The following TRIM17 variants were observed in gnomAD, a reference collection of about 807,000 sequenced individuals.
The protein encoded by TRIM17 is tripartite motif containing 17.
A neutral mutation model predicts 35.8 loss-of-function variants in TRIM17; 27 were observed. That is an observed-to-expected ratio of 0.75 (90% CI 0.56 to 1.04). The LOEUF is 1.04. Ranked by LOEUF, TRIM17 falls within the 50% of genes least tolerant of loss-of-function variation. The pLI is 0.00. For missense variants in TRIM17, 582 were observed against 612.8 expected (o/e 0.95, Z 0.53); for synonymous variants, 246 against 252.6 (o/e 0.97, Z 0.25).
Position 228,414,676 on chromosome 1 carries a change from G to A in TRIM17, c.397C>T (p.Leu133=). ...CCCTGCACTGCCTCCTCGGCGGGCA[G>A]CACCCTGTGCAGCCGGTGCTCCCGG... The part of the protein sequence containing the change: ...ESREHRLHRV[L]PAEEAVQGYK... The change falls in exon 2 of 7, where the codon CTG becomes TTG. Residue 133 remains leucine (L), a synonymous_variant. Transcript: ENST00000366698. 1.2e-6 allele frequency: 2 copies of A among 1,611,674 alleles called. No homozygotes were observed. The highest frequency in any genetic ancestry group is 1.7e-5 in the Admixed American group (1 of 60,030).
rs1332318649 is a variant in TRIM17, at chr1:228,413,880, C to T, written c.442G>A (p.Glu148Lys). The T allele has an allele frequency of 1.2e-6, 2 of 1,614,170 alleles. No homozygotes were observed. The highest frequency in any genetic ancestry group is 1.7e-5 in the Admixed American group (1 of 60,024). The change falls in exon 3 of 7, where the codon GAG becomes AAG. Residue 148 changes from glutamate to lysine, a missense_variant. Coordinates refer to ENST00000366698, the MANE Select transcript of TRIM17 (RefSeq NM_016102.4). ...AVQGYKLKLE[E>K]DMEYLREQIT... Reference sequence around the variant, plus strand: ...TGCTCCCGAAGGTACTCCATGTCCTCCTCCAGCTTCAACTGTGGGACACAC... The same window carrying T: ...TGCTCCCGAAGGTACTCCATGTCCTTCTCCAGCTTCAACTGTGGGACACAC...
Position 228,410,600 on chromosome 1 carries a change from T to G in TRIM17, c.756+346A>C, listed in dbSNP as rs1656721301. On this transcript the variant is annotated intron_variant, in intron 4 of 6. Transcript: ENST00000366698. This position sits in a 1 kb window ranked among gnomAD's most constrained non-coding sequence, Gnocchi z 4.6. Reference sequence around the variant, plus strand: ...AACCCTCAGGACCTCAGAATGTGACTGTGTTTGGAGATAGCATCTTTAAGG... The same window carrying G: ...AACCCTCAGGACCTCAGAATGTGACGGTGTTTGGAGATAGCATCTTTAAGG... Among the ~76,000 whole-genome samples, 1 of 152,198 alleles carries G rather than the reference T, an allele frequency of 6.6e-6. No homozygotes were observed. Among genetic ancestry groups the G allele is most frequent in the South Asian group, 2.1e-4 (1 of 4,834 alleles).
In TRIM17 at chr1:228,408,726, G is replaced by T; in HGVS notation, c.909C>A (p.Ser303=). 1.9e-6 allele frequency: 3 copies of T among 1,603,030 alleles called. No individual in the cohort carries two copies. The highest frequency in any genetic ancestry group is 2.5e-6 in the Non-Finnish European group (3 of 1,179,840). The change falls in exon 7 of 7, where the codon TCC becomes TCA. Residue 303 remains serine, a synonymous_variant. Coordinates refer to ENST00000366698, the MANE Select transcript of TRIM17 (RefSeq NM_016102.4). This position sits in a 1 kb window ranked among gnomAD's most constrained non-coding sequence, Gnocchi z 6.3. ...CATACAGGAGGAGGTAGGGGTACGC[G>T]GAGGTGGCATCAGGCACCACATCCT... ...FLEDVVPDAT[S]AYPYLLLYES...
In TRIM17 at chr1:228,414,862, G is replaced by C. The variant is rs61758089; in HGVS notation, c.211C>G (p.Gln71Glu). The C allele has an allele frequency of 3.8e-3, 6,052 of 1,613,650 alleles. 20 individuals are homozygous for C. Among genetic ancestry groups the C allele is most frequent in the Non-Finnish European group, 4.7e-3 (5,564 of 1,180,024 alleles). ...PCPECREMSP[Q>E]RNLLPNRLLT... ...AGCCGGTTGGGCAGCAGGTTCCTCT[G>C]CGGGGACATCTCTCTGCACTCGGGG... is the stretch of plus-strand genomic sequence containing the variant. Residue 71 changes from glutamine to glutamate, a missense_variant, in exon 2 of 7, where the codon CAG becomes GAG. Physicochemically the swap from Gln to Glu is conservative, Grantham distance 29 (BLOSUM62 2). Coordinates refer to ENST00000366698, the MANE Select transcript of TRIM17 (RefSeq NM_016102.4).
Position 228,411,002 on chromosome 1 carries a change from G to C in TRIM17, c.700C>G (p.Leu234Val). 1 of 1,610,246 alleles carries C rather than the reference G, an allele frequency of 6.2e-7. No individual in the cohort carries two copies. Among genetic ancestry groups the C allele is most frequent in the Non-Finnish European group, 8.5e-7 (1 of 1,178,776 alleles). ...CGCTCCTCCAGCTGCAGCAGCAGCA[G>C]CTCCAGAGAGTGACCCTGCCGGTCC... Reference protein sequence around the residue: ...CLDRQGHSLELLLLQLEERST... With the variant: ...CLDRQGHSLEVLLLQLEERST... Residue 234 changes from leucine to valine, a missense_variant, in exon 4 of 7, where the codon CTG (leucine) becomes GTG (valine). Transcript: ENST00000366698. The surrounding 1 kb of genome is among the most constrained non-coding windows in gnomAD (Gnocchi z 4.2).
rs750935063 is a variant in TRIM17 at position 228,413,823 on chromosome 1, C to T, written c.499G>A (p.Glu167Lys). The change falls in exon 3 of 7, where the codon GAG (glutamate) becomes AAG (lysine). Residue 167 changes from glutamate (E) to lysine (K), a missense_variant. Glu to Lys is a moderately conservative substitution (Grantham distance 56). Coordinates refer to ENST00000366698, the MANE Select transcript of TRIM17 (RefSeq NM_016102.4). ...ITRTGNLQAR[E>K]EQSLAEWQGK... ...TGCCACTCGGCTAAGCTCTGCTCCT[C>T]CCTGGCCTGCAGATTCCCTGTCCTG... 8.7e-6 allele frequency: 14 copies of T among 1,614,106 alleles called. No homozygotes were observed. In the East Asian group the frequency reaches 2.9e-4, roughly 33 times the overall value.
intron 2 of TRIM17, 105 bp from the exon 3 acceptor site, chr1:228,413,997 T>A (rs914199282): frequency 1.2e-5 from 11 of 883,564 alleles, no homozygotes; most frequent in Non-Finnish European, 2.1e-5. Flanking sequence ...GAGACCCTCC[T>A]CAGGAGGGGC....
In TRIM17 at chr1:228,411,661, C is replaced by T. The variant is rs2149107526; in HGVS notation, c.526-485G>A. ...TTTTGTGTAGGGACAGGGTCTTGCTCTGTTGCCCAGGCTGGAGTGCAATGG... is the reference window on the plus strand; with the variant it reads ...TTTTGTGTAGGGACAGGGTCTTGCTTTGTTGCCCAGGCTGGAGTGCAATGG... On this transcript the variant is annotated intron_variant, in intron 3 of 6. Transcript: ENST00000366698. The surrounding 1 kb of genome is among the most constrained non-coding windows in gnomAD (Gnocchi z 4.2). 6.6e-6 allele frequency among the ~76,000 whole-genome samples: 1 copy of T among 152,148 alleles called. No homozygotes were observed. Among genetic ancestry groups the T allele is most frequent in the East Asian group, 1.9e-4 (1 of 5,180 alleles).
At position 228,411,717 on chromosome 1, in the gene TRIM17, C is replaced by A. The variant is rs1656794960; in HGVS notation, c.526-541G>T. Among the ~76,000 whole-genome samples the A allele has an allele frequency of 6.6e-6, 1 of 152,192 alleles. No homozygotes were observed. Among genetic ancestry groups the A allele is most frequent in the East Asian group, 1.9e-4 (1 of 5,200 alleles). On this transcript the variant is annotated intron_variant, in intron 3 of 6. Coordinates refer to ENST00000366698, the MANE Select transcript of TRIM17 (RefSeq NM_016102.4). This position sits in a 1 kb window ranked among gnomAD's most constrained non-coding sequence, Gnocchi z 4.2. ...CCACAACTCACTGCAACTTTGACCTCCTGGCCTCAAGTGACCCTCCCACCT... is the reference window on the plus strand; with the variant it reads ...CCACAACTCACTGCAACTTTGACCTACTGGCCTCAAGTGACCCTCCCACCT...
In TRIM17 at chr1:228,411,026, C is replaced by T; in HGVS notation, c.676G>A (p.Asp226Asn). The change falls in exon 4 of 7, where the codon GAC becomes AAC. Residue 226 changes from aspartate (D) to asparagine (N), a missense_variant. Transcript: ENST00000366698. This position sits in a 1 kb window ranked among gnomAD's most constrained non-coding sequence, Gnocchi z 4.2. ...SRLRESVACL[D>N]RQGHSLELLL... is the part of the protein sequence containing the mutation. ...AGCTCCAGAGAGTGACCCTGCCGGT[C>T]CAGGCAGGCCACGCTCTCCCGGAGC... 1 of 1,613,098 alleles carries T rather than the reference C, an allele frequency of 6.2e-7. No homozygotes were observed. Among genetic ancestry groups the T allele is most frequent in the Non-Finnish European group, 8.5e-7 (1 of 1,179,788 alleles).
At position 228,414,739 on chromosome 1, in the gene TRIM17, T is replaced by C; in HGVS notation, c.334A>G (p.Lys112Glu). The C allele has an allele frequency of 6.2e-7, 1 of 1,612,756 alleles. No homozygotes were observed. Among genetic ancestry groups the C allele is most frequent in the Non-Finnish European group, 8.5e-7 (1 of 1,180,036 alleles). Residue 112 changes from lysine (K) to glutamate (E), a missense_variant, in exon 2 of 7, where the codon AAG becomes GAG. Coordinates refer to ENST00000366698, the MANE Select transcript of TRIM17 (RefSeq NM_016102.4). ...HHEPLKLFCQKDQSPICVVCR... is the reference protein window; with the variant it reads ...HHEPLKLFCQEDQSPICVVCR... Reference sequence around the variant, plus strand: ...ACCACACAGATGGGGCTCTGGTCCTTCTGGCAGAAAAGCTTGAGGGGCTCG... The same window carrying C: ...ACCACACAGATGGGGCTCTGGTCCTCCTGGCAGAAAAGCTTGAGGGGCTCG...
In TRIM17 at chr1:228,409,212, GCA is replaced by G. The variant is rs765714112; in HGVS notation, c.841_842del (p.Cys281GlnfsTer7). On this transcript the variant is annotated frameshift_variant, in exon 6 of 7. Coordinates refer to ENST00000366698, the MANE Select transcript of TRIM17 (RefSeq NM_016102.4). LOFTEE classifies it low-confidence loss of function (END_TRUNC). ...VAPPTRPRTV[C>X]RVPGQIEVLR... ...GCACTTCAATCTGTCCGGGAACTCTGCACACAGTCCTGGGTCTGGTTGGGGGG... is the reference window on the plus strand; with the variant it reads ...GCACTTCAATCTGTCCGGGAACTCTGCACAGTCCTGGGTCTGGTTGGGGGG... 95 of 1,613,908 alleles carry G rather than the reference GCA, an allele frequency of 5.9e-5. No homozygotes were observed. The East Asian group carries it at 1.7e-3, about 29-fold the overall frequency.
In TRIM17 at chr1:228,416,755, A is replaced by C; in HGVS notation, c.-258T>G. The C allele has an allele frequency of 1.0e-6, 1 of 979,168 alleles. No individual in the cohort carries two copies. The highest frequency in any genetic ancestry group is 1.2e-6 in the Non-Finnish European group (1 of 827,704). 60.7% of individuals were successfully genotyped at this position (979,168 alleles called of 1,614,324 possible). The stretch of plus-strand genomic sequence containing the variant: ...GGCGAGGGAGTGTTCGGCGGCCGGG[A>C]CTGGGGCGGCGCCTCTTAGGAGAGG... On this transcript the variant is annotated 5_prime_UTR_variant, in exon 1 of 7. Transcript: ENST00000366698.
rs144447270 is a variant in TRIM17 at position 228,414,867 on chromosome 1, G to C, written c.206C>G (p.Ser69Cys). The change falls in exon 2 of 7, where the codon TCC becomes TGC. Residue 69 changes from serine (S) to cysteine (C), a missense_variant. Transcript: ENST00000366698. The stretch of plus-strand genomic sequence containing the variant: ...GTTGGGCAGCAGGTTCCTCTGCGGG[G>C]ACATCTCTCTGCACTCGGGGCAGGG... ...SFPCPECREM[S>C]PQRNLLPNRL... 51 of 1,613,516 alleles carry C rather than the reference G, an allele frequency of 3.2e-5. No individual in the cohort carries two copies. Among genetic ancestry groups the C allele is most frequent in the Non-Finnish European group, 3.8e-5 (45 of 1,180,028 alleles).
rs1657165806 is a variant in TRIM17, at chr1:228,416,751, C to T, written c.-254G>A. ...GCTGGGCGAGGGAGTGTTCGGCGGC[C>T]GGGACTGGGGCGGCGCCTCTTAGGA... On this transcript the variant is annotated 5_prime_UTR_variant, in exon 1 of 7. Coordinates refer to ENST00000366698, the MANE Select transcript of TRIM17 (RefSeq NM_016102.4). The T allele has an allele frequency of 1.0e-6, 1 of 967,262 alleles. No homozygotes were observed. Among genetic ancestry groups the T allele is most frequent in the African/African-American group, 2.0e-5 (1 of 50,600 alleles). The allele number at this position is 967,262 out of a possible 1,614,324, so 59.9% of individuals were successfully genotyped here.
At position 228,411,618 on chromosome 1, in the gene TRIM17, A is replaced by G. The variant is rs994395759; in HGVS notation, c.526-442T>C. Among the ~76,000 whole-genome samples, 25 of 151,698 alleles carry G rather than the reference A, an allele frequency of 1.6e-4. No individual in the cohort carries two copies. Among genetic ancestry groups the G allele is most frequent in the African/African-American group, 6.1e-4 (25 of 41,232 alleles). On this transcript the variant is annotated intron_variant, in intron 3 of 6. Transcript: ENST00000366698. This position sits in a 1 kb window ranked among gnomAD's most constrained non-coding sequence, Gnocchi z 4.2. Reference sequence around the variant, plus strand: ...TGGGACCACAGGCATGCACCACCACATCCAGCTAGTTTTTAAATTTTGTGT... The same window carrying G: ...TGGGACCACAGGCATGCACCACCACGTCCAGCTAGTTTTTAAATTTTGTGT...
intron 1 of TRIM17, chr1:228,416,308 G>C: frequency 1.0e-6 from 1 of 983,014 alleles, no homozygotes; most frequent in Non-Finnish European, 1.2e-6. Context: ...GACAGCGGCA[G>C]CGGGCCTGGG....
At position 228,416,784 on chromosome 1, in the gene TRIM17, G is replaced by A; in HGVS notation, c.-287C>T. The stretch of plus-strand genomic sequence containing the variant: ...GGGCGGCGCCTCTTAGGAGAGGTTG[G>A]GGGTGGCTTGGGGAAGGAAGGCGGC... On this transcript the variant is annotated 5_prime_UTR_variant, in exon 1 of 7. Coordinates refer to ENST00000366698, the MANE Select transcript of TRIM17 (RefSeq NM_016102.4). 1 of 984,576 alleles carries A rather than the reference G, an allele frequency of 1.0e-6. No individual in the cohort carries two copies. The highest frequency in any genetic ancestry group is 1.2e-6 in the Non-Finnish European group (1 of 829,474). The allele number at this position is 984,576 out of a possible 1,614,324, so 61.0% of individuals were successfully genotyped here.
intron 6 of TRIM17, 133 bp downstream of exon 6, chr1:228,409,039 A>G (rs1394071329): frequency 6.2e-7 from 1 of 1,610,254 alleles, no homozygotes; most frequent in East Asian, 2.2e-5. Context: ...AGGCACAGTG[A>G]ATAGCCAGTG....
Sources: allele counts gnomAD v4.1 joint callset (sites outside exome capture counted in the v4.1 genomes callset), GRCh38; gene constraint gnomAD v4.1.1; non-coding constraint Gnocchi (gnomAD v3.1); transcripts MANE v1.5; gene names NCBI Gene and HGNC (gene_info 2026-07-23, HGNC 2026-07-21).